The following LTBP4 variants were observed in gnomAD, a reference collection of about 807,000 sequenced individuals.
LTBP4 encodes the protein latent-transforming growth factor beta-binding protein 4.
A neutral mutation model predicts 180.2 loss-of-function variants in LTBP4; 93 were observed. That is an observed-to-expected ratio of 0.52 (90% CI 0.44 to 0.61). The LOEUF (loss-of-function observed/expected upper bound fraction) is 0.61, where lower values mean the gene tolerates loss of function less well. Among genes scored for constraint, LTBP4 ranks in the 20% least tolerant of loss-of-function variants. The pLI is 0.00. For synonymous variants in LTBP4, 947 were observed against 934.5 expected (o/e 1.01, Z -0.24); for missense variants, 2,116 against 2,256.5 (o/e 0.94, Z 1.26).
At chr19:40,597,242 G>C, upstream of LTBP4, 1 of 1,504,794 alleles carries the variant, frequency 6.6e-7, no homozygotes, top group Non-Finnish European at 8.8e-7. Context: ...ACGATGCCGA[G>C]GCCTGGCACC....
At position 40,627,069 on chromosome 19, in the gene LTBP4, C is replaced by T. The variant is rs1472082154; in HGVS notation, c.4080C>T (p.Asp1360=). ...GACTCCCCTACGAGTACGGCCCAGA[C>T]TTAGGTCCACCTTACCAGGGCCTCC... The part of the protein sequence containing the change: ...GFGLPYEYGP[D]LGPPYQGLPY... The change falls in exon 28 of 30, where the codon GAC becomes GAT. Residue 1360 remains aspartate, a synonymous_variant. Coordinates refer to ENST00000396819, the MANE Select transcript of LTBP4 (RefSeq NM_001042545.2). The T allele has an allele frequency of 1.2e-6, 2 of 1,613,776 alleles. No homozygotes were observed. The highest frequency in any genetic ancestry group is 1.7e-6 in the Non-Finnish European group (2 of 1,179,814).
chr19:40,597,174 G>C, upstream of LTBP4: 1 of 1,279,602 alleles, frequency 7.8e-7, no homozygotes. Flanking sequence ...GGGCGGGGCC[G>C]GGGCTAGCCT....
chr19:40,605,344 T>A lies in LTBP4; in HGVS notation c.443-61T>A. 1 of 1,601,226 alleles carries A rather than the reference T, an allele frequency of 6.2e-7. No homozygotes were observed. On this transcript the variant is annotated intron_variant, in intron 2 of 29. Coordinates refer to ENST00000396819, the MANE Select transcript of LTBP4 (RefSeq NM_001042545.2). This position sits in a 1 kb window ranked among gnomAD's most constrained non-coding sequence, Gnocchi z 5.5. ...TGCCCAGCTCGCCCTCCCCGCCTTG[T>A]CTAGCCCCACCCCGTAAGAACCCGT...
At chr19:40,608,891 A>ACAC (rs2081484061) in intron 9 of LTBP4, 1 of 187,042 alleles carries the variant, frequency 5.3e-6, no homozygotes, top group Non-Finnish European at 9.9e-6. Context: ...AGCTTGAGCG[A>ACAC]CACTCCATCT....
In LTBP4 at chr19:40,606,319, CA is replaced by C; in HGVS notation, c.868+13del. 1 of 1,600,660 alleles carries C rather than the reference CA, an allele frequency of 6.2e-7. No individual in the cohort carries two copies. The highest frequency in any genetic ancestry group is 1.1e-5 in the South Asian group (1 of 88,438). Reference sequence around the variant, plus strand: ...TGGGTCCTGCGAAGGTGCAACGGGGCAGGGGTGGGAGGGGCTTGGTTCTGGG... The same window carrying C: ...TGGGTCCTGCGAAGGTGCAACGGGGCGGGGTGGGAGGGGCTTGGTTCTGGG... On this transcript the variant is annotated intron_variant, in intron 5 of 29. Transcript: ENST00000396819.
intron 1 of LTBP4, among the ~76,000 whole-genome samples, chr19:40,603,718 C>G (rs998273916): frequency 1.3e-5 from 2 of 152,240 alleles, no homozygotes; most frequent in Admixed American, 6.5e-5. Context: ...CGCGCCTCCC[C>G]CGGCCGCCTG....
rs2081518288 is a variant in LTBP4 at position 40,613,033 on chromosome 19, G to C, written c.2300-32G>C. Reference sequence around the variant, plus strand: ...GATTGGTCGGGTGTGTCCCGAGACTGGACCCTTTCTGAACACCCCCACCCC... The same window carrying C: ...GATTGGTCGGGTGTGTCCCGAGACTCGACCCTTTCTGAACACCCCCACCCC... On this transcript the variant is annotated intron_variant, in intron 15 of 29. Transcript: ENST00000396819. This position sits in a 1 kb window ranked among gnomAD's most constrained non-coding sequence, Gnocchi z 5.0. 6.2e-7 allele frequency: 1 copy of C among 1,607,682 alleles called. No individual in the cohort carries two copies.
At position 40,601,466 on chromosome 19, in the gene LTBP4, C is replaced by A. The variant is rs984481976; in HGVS notation, c.79C>A (p.Arg27=). The A allele has an allele frequency of 2.7e-6, 4 of 1,490,556 alleles. No individual in the cohort carries two copies. The highest frequency in any genetic ancestry group is 3.6e-6 in the Non-Finnish European group (4 of 1,126,512). The allele number at this position is 1,490,556 out of a possible 1,614,324, so 92.3% of individuals were successfully genotyped here. A position where few individuals can be genotyped will look rare whatever the true frequency, so the allele number is the denominator to read the frequency against. ...AQLGPQPGLG[R]LGERLRVRFT... ...GCTAGGGCCGCAGCCTGGACTGGGC[C>A]GGCTCGGAGAGCGTCTCCGCGTGCG... The change falls in exon 1 of 30, where the codon CGG becomes AGG. Residue 27 remains arginine (R), a synonymous_variant. Transcript: ENST00000396819.
In LTBP4 at chr19:40,605,584, C is replaced by T. The variant is rs377643720; in HGVS notation, c.622C>T (p.Pro208Ser). Residue 208 changes from proline to serine, a missense_variant, in exon 3 of 30, where the codon CCG becomes TCG. This residue lies in a region of LTBP4 where 469 missense variants were observed against 532.5 expected (regional missense o/e 0.88). Transcript: ENST00000396819. This position sits in a 1 kb window ranked among gnomAD's most constrained non-coding sequence, Gnocchi z 5.5. ...APYTVLAQSA[P>S]REDGYSDASG... is the part of the protein sequence containing the mutation. ...CTACACGGTGTTGGCACAGAGCGCG[C>T]CGCGGGAGGACGGCTACTCAGATGC... 11 of 1,602,354 alleles carry T rather than the reference C, an allele frequency of 6.9e-6. No homozygotes were observed. The highest frequency in any genetic ancestry group is 1.3e-5 in the African/African-American group (1 of 74,778).
At chr19:40,612,807 T>C (rs2081516766) in intron 15 of LTBP4, among the ~76,000 whole-genome samples, 1 of 152,226 alleles carries the variant, frequency 6.6e-6, no homozygotes. Context: ...AGTTGATTTC[T>C]GATCCCTGTC....
chr19:40,605,722 C>T lies in LTBP4; in HGVS notation c.691-7C>T, dbSNP rs777811465. 5.8e-6 allele frequency: 9 copies of T among 1,546,972 alleles called. No homozygotes were observed. Among genetic ancestry groups the T allele is most frequent in the Non-Finnish European group, 7.8e-6 (9 of 1,146,500 alleles). On this transcript the variant is annotated splice_region_variant and splice_polypyrimidine_tract_variant and intron_variant, in intron 3 of 29. Coordinates refer to ENST00000396819, the MANE Select transcript of LTBP4 (RefSeq NM_001042545.2). This position sits in a 1 kb window ranked among gnomAD's most constrained non-coding sequence, Gnocchi z 5.5. ...CGGGGGCGCGCTCACCCAACACTTC[C>T]CCGCAGTGCGCGTCCCCGCTGCCCG...
upstream of LTBP4, chr19:40,599,373 A>T (rs747320513): frequency 6.2e-7 from 1 of 1,609,990 alleles, no homozygotes; most frequent in Non-Finnish European, 8.5e-7. Flanking sequence ...TTGGTAGAGA[A>T]GTACTTGGTC....
At chr19:40,625,309 T>C (rs1185387171) in intron 26 of LTBP4, among the ~76,000 whole-genome samples, 1 of 29,048 alleles carries the variant, frequency 3.4e-5, no homozygotes, top group East Asian at 8.8e-4. Context: ...TATATATATA[T>C]ATATATATTT....
intron 1 of LTBP4, among the ~76,000 whole-genome samples, chr19:40,602,533 A>G (rs915492620): frequency 1.3e-5 from 2 of 151,848 alleles, no homozygotes; most frequent in Admixed American, 1.3e-4. Flanking sequence ...GCGTGAGCTC[A>G]TCTCCCGCCT....
intron 21 of LTBP4, among the ~76,000 whole-genome samples, chr19:40,617,642 T>TGAA (rs1395937407): frequency 1.3e-5 from 1 of 77,814 alleles, no homozygotes. Context: ...AGACCCTGTC[T>TGAA]CAAAAAAAAA....
intron 1 of LTBP4, chr19:40,594,397 T>C (rs1568398092): frequency 6.6e-6 from 1 of 150,742 alleles, no homozygotes; most frequent in African/African-American, 2.4e-5. Flanking sequence ...GATGGGGAGC[T>C]GGGGACTCCA....
rs896145680 is a variant in LTBP4, at chr19:40,609,179, A to G, written c.1427-351A>G. ...TTGAGATGCCTCTGAAGTGTCTGACACCTAGTAAGTGCTCAGATAAATACT... is the reference window on the plus strand; with the variant it reads ...TTGAGATGCCTCTGAAGTGTCTGACGCCTAGTAAGTGCTCAGATAAATACT... On this transcript the variant is annotated intron_variant, in intron 9 of 29. Transcript: ENST00000396819. This position sits in a 1 kb window ranked among gnomAD's most constrained non-coding sequence, Gnocchi z 4.9. Among the ~76,000 whole-genome samples the G allele has an allele frequency of 1.3e-5, 2 of 152,154 alleles. No individual in the cohort carries two copies. Among genetic ancestry groups the G allele is most frequent in the Admixed American group, 1.3e-4 (2 of 15,278 alleles).
In LTBP4 at chr19:40,629,011, G is replaced by A. The variant is rs1262331341; in HGVS notation, c.4520-385G>A. Among the ~76,000 whole-genome samples the A allele has an allele frequency of 6.6e-6, 1 of 151,852 alleles. No individual in the cohort carries two copies. The highest frequency in any genetic ancestry group is 1.5e-5 in the Non-Finnish European group (1 of 67,950). ...ATTACAGGCGCCCGCCACCATGCCT[G>A]GCTAATTTTTGTATTCTTAGTAGAG... On this transcript the variant is annotated intron_variant, in intron 29 of 29. Transcript: ENST00000396819. This position sits in a 1 kb window ranked among gnomAD's most constrained non-coding sequence, Gnocchi z 4.5.
At chr19:40,616,140 TC>T (rs2081547067) in intron 19 of LTBP4, among the ~76,000 whole-genome samples, 1 of 151,738 alleles carries the variant, frequency 6.6e-6, no homozygotes. Flanking sequence ...TTGAGAGTTA[TC>T]AACTATGCTA....
Sources: allele counts gnomAD v4.1 joint callset (sites outside exome capture counted in the v4.1 genomes callset), GRCh38; gene constraint gnomAD v4.1.1; regional missense constraint gnomAD v4.1.1; non-coding constraint Gnocchi (gnomAD v3.1); transcripts MANE v1.5; gene names NCBI Gene and HGNC (gene_info 2026-07-23, HGNC 2026-07-21).